POPDC1: variants seen among roughly 807,000 people sequenced by gnomAD.
POPDC1 encodes the protein popeye domain cAMP effector 1, also known as popeye domain-containing protein 1.
At chr6:105,117,148 A>G in the POPDC1 span, among the ~76,000 whole-genome samples, 1 of 152,192 alleles carries the variant, frequency 6.6e-6, no homozygotes, top group African/African-American at 2.4e-5. Context: ...CTGTATTGAT[A>G]CCGCTGCTGG....
At chr6:105,098,690 C>T in the POPDC1 span, 2 of 152,186 alleles carry the variant, frequency 1.3e-5, no homozygotes, top group Non-Finnish European at 2.9e-5. Context: ...ACTATGACAT[C>T]ACAGTTACAC....
At chr6:105,102,281 CTGCTACAAGA>C in the POPDC1 span, among the ~76,000 whole-genome samples, 2 of 152,196 alleles carry the variant, frequency 1.3e-5, no homozygotes, top group African/African-American at 4.8e-5. Context: ...TGAAGCAGAT[CTGCTACAAGA>C]TGACCACAGA....
chr6:105,103,661 C>T, the POPDC1 span, among the ~76,000 whole-genome samples: 2 of 152,118 alleles, frequency 1.3e-5, no homozygotes, highest in African/African-American at 4.8e-5. Context: ...GTGTAACACG[C>T]TTAACAGAAA....
At chr6:105,114,839 T>C in the POPDC1 span, among the ~76,000 whole-genome samples, 4 of 152,186 alleles carry the variant, frequency 2.6e-5, no homozygotes, top group Non-Finnish European at 4.4e-5. Context: ...GGGTGTTGAG[T>C]GATCTCCTTC....
At chr6:105,107,386 T>C in the POPDC1 span, among the ~76,000 whole-genome samples, 1 of 152,186 alleles carries the variant, frequency 6.6e-6, no homozygotes, top group African/African-American at 2.4e-5. Flanking sequence ...GTGCTTCTAA[T>C]TACAGGAGAG....
chr6:105,119,473 A>G, the POPDC1 span, among the ~76,000 whole-genome samples: 2 of 152,182 alleles, frequency 1.3e-5, no homozygotes, highest in Non-Finnish European at 2.9e-5. Context: ...AGAGGAGTAT[A>G]AGCAAACTGA....
chr6:105,101,268 G>T, the POPDC1 span: 3 of 1,462,264 alleles, frequency 2.1e-6, no homozygotes, highest in Non-Finnish European at 2.7e-6. Flanking sequence ...CCCAGACCCT[G>T]GTGTGATATA....
the POPDC1 span, among the ~76,000 whole-genome samples, chr6:105,121,352 G>A: frequency 7.5e-5 from 11 of 146,238 alleles, no homozygotes; most frequent in East Asian, 1.0e-3. Flanking sequence ...TGCAACCTCC[G>A]CCTCCCGAGT....
chr6:105,125,218 A>G, the POPDC1 span, among the ~76,000 whole-genome samples: 1 of 152,238 alleles, frequency 6.6e-6, no homozygotes, highest in Non-Finnish European at 1.5e-5. Context: ...TGGGTTTAAC[A>G]TGTTGCTCTA....
the POPDC1 span, chr6:105,136,870 G>C: frequency 6.6e-6 from 1 of 152,210 alleles, no homozygotes; most frequent in Non-Finnish European, 1.5e-5. Context: ...GAGGGGCTGA[G>C]ATCCAACTTT....
At chr6:105,109,563 C>T in the POPDC1 span, among the ~76,000 whole-genome samples, 17 of 151,582 alleles carry the variant, frequency 1.1e-4, no homozygotes, top group African/African-American at 3.4e-4. Context: ...TATAGCAAGA[C>T]GTGGTCTCTA....
the POPDC1 span, chr6:105,097,881 C>T: frequency 6.6e-6 from 1 of 152,132 alleles, no homozygotes; most frequent in African/African-American, 2.4e-5. Flanking sequence ...CCCATTATTA[C>T]TAATTTAAGA....
At chr6:105,111,809 G>A in the POPDC1 span, among the ~76,000 whole-genome samples, 1 of 152,124 alleles carries the variant, frequency 6.6e-6, no homozygotes, top group Admixed American at 6.5e-5. Flanking sequence ...AGGTCACTTA[G>A]TTTCCCTCCA....
chr6:105,109,519 C>T, the POPDC1 span, among the ~76,000 whole-genome samples: 12 of 151,984 alleles, frequency 7.9e-5, no homozygotes, highest in Non-Finnish European at 1.3e-4. Flanking sequence ...GGACAGATCA[C>T]TTGAGCCCAG....
the POPDC1 span, among the ~76,000 whole-genome samples, chr6:105,134,196 A>G: frequency 1.3e-5 from 2 of 152,092 alleles, no homozygotes; most frequent in Non-Finnish European, 2.9e-5. Context: ...AAACATTTAT[A>G]TATACACAGA....
At chr6:105,102,408 G>A in the POPDC1 span, among the ~76,000 whole-genome samples, 2 of 152,210 alleles carry the variant, frequency 1.3e-5, no homozygotes, top group African/African-American at 4.8e-5. Flanking sequence ...CAAGGGCTAT[G>A]AGCATGTCAC....
the POPDC1 span, among the ~76,000 whole-genome samples, chr6:105,121,558 G>A: frequency 1.3e-5 from 2 of 152,096 alleles, no homozygotes; most frequent in African/African-American, 2.4e-5. Context: ...GTGGGCGGCC[G>A]CGCCTGGCCT....
the POPDC1 span, among the ~76,000 whole-genome samples, chr6:105,112,194 G>A: frequency 6.6e-6 from 1 of 152,096 alleles, no homozygotes; most frequent in African/African-American, 2.4e-5. Context: ...AGAATCTGTT[G>A]TTCTACAGGA....
chr6:105,103,149 G>A, the POPDC1 span, among the ~76,000 whole-genome samples: 2 of 152,100 alleles, frequency 1.3e-5, no homozygotes, highest in East Asian at 3.9e-4. Flanking sequence ...TTACTTCTTT[G>A]TGCCTTAATT....
Sources: gnomAD v4.1 joint callset for allele counts (sites outside exome capture counted in the v4.1 genomes callset) on GRCh38, gnomAD v4.1.1 for gene constraint, MANE v1.5 for transcripts, NCBI Gene and HGNC (gene_info 2026-07-23, HGNC 2026-07-21) for gene names.